Variants in POF1B observed in about 807,000 individuals in gnomAD.
The protein encoded by POF1B is POF1B actin binding protein, also known as protein POF1B.
POF1B carries 53 observed loss-of-function variants against 55.3 expected under a neutral mutation model. The observed-to-expected ratio is 0.96, with a 90% CI of 0.77 to 1.20. The LOEUF is 1.20. POF1B is among the 50% of genes most tolerant of loss of function. The probability of loss-of-function intolerance (pLI) is 0.00; values close to 1 mark genes in which losing one functional copy is unlikely to be tolerated. For missense variants in POF1B, 478 were observed against 420.5 expected (o/e 1.14, Z -1.20); for synonymous variants, 188 against 148.3 (o/e 1.27, Z -1.95).
chrX:85,319,447 G>A (rs372532049), intron 7 of POF1B, among the ~76,000 whole-genome samples: 30 of 110,895 alleles, frequency 2.7e-4, no homozygotes, highest in African/African-American at 7.8e-4. Flanking sequence ...ATCTTGTTCC[G>A]GTTTCAAGAA....
At chrX:85,307,532 T>A (rs1932604178) in intron 10 of POF1B, among the ~76,000 whole-genome samples, 2 of 111,474 alleles carry the variant, frequency 1.8e-5, no homozygotes, top group Admixed American at 1.9e-4. Flanking sequence ...TGTTTTAATG[T>A]TTTCCTCCAA....
chrX:85,293,416 G>T (rs894581736), intron 15 of POF1B, among the ~76,000 whole-genome samples: 3 of 111,631 alleles, frequency 2.7e-5, no homozygotes, highest in African/African-American at 9.8e-5. Context: ...ACTAACACAG[G>T]ACCAGAAAAT....
intron 11 of POF1B, among the ~76,000 whole-genome samples, chrX:85,306,641 A>G (rs771601610): frequency 1.8e-5 from 2 of 110,979 alleles, no homozygotes; most frequent in East Asian, 5.7e-4. Flanking sequence ...CACAGAAACG[A>G]CCATATGCCT....
At chrX:85,310,875 T>C (rs1223515187) in intron 9 of POF1B, among the ~76,000 whole-genome samples, 1 of 111,942 alleles carries the variant, frequency 8.9e-6, no homozygotes, top group Non-Finnish European at 1.9e-5. Context: ...GGAATAACAA[T>C]TCAAATGACA....
chrX:85,379,185 G>A lies in POF1B; in HGVS notation c.270C>T (p.Ser90=). ...TTCTTTGTTGTACCTGAGAATGGTC[G>A]CTCCAAACCAAATTTTGGTAGGAGG... ...TTSSYQNLVW[S]DHSQELHSPT... is the part of the protein sequence containing the mutation. Residue 90 remains serine, a synonymous_variant, in exon 2 of 17, where the codon AGC becomes AGT. Coordinates refer to ENST00000262753, the MANE Select transcript of POF1B (RefSeq NM_024921.4). The A allele has an allele frequency of 8.3e-7, 1 of 1,210,535 alleles. No homozygotes were observed. Among genetic ancestry groups the A allele is most frequent in the Non-Finnish European group, 1.1e-6 (1 of 894,710 alleles).
chrX:85,360,527 G>GTATATATA lies in POF1B; in HGVS notation c.358-905_358-898dup, dbSNP rs142665633. 4.9e-3 allele frequency among the ~76,000 whole-genome samples: 285 copies of GTATATATA among 58,445 alleles called. 5 individuals carry two copies. Among genetic ancestry groups the GTATATATA allele is most frequent in the African/African-American group, 0.018 (171 of 9,541 alleles). 50.8% of individuals were successfully genotyped at this position (58,445 alleles called of 115,157 possible). ...ATGGCTGCCTAGTATTCCATGGTAT[G>GTATATATA]TATATATATATATATATATATATAT... On this transcript the variant is annotated intron_variant, in intron 3 of 16. Coordinates refer to ENST00000262753, the MANE Select transcript of POF1B (RefSeq NM_024921.4).
At chrX:85,340,838 G>T (rs1312462272) in intron 6 of POF1B, among the ~76,000 whole-genome samples, 1 of 110,665 alleles carries the variant, frequency 9.0e-6, no homozygotes, top group Non-Finnish European at 1.9e-5. Context: ...ATAGGAACCA[G>T]AACATTTGTG....
intron 15 of POF1B, among the ~76,000 whole-genome samples, chrX:85,287,874 TA>T (rs749237682): frequency 9.9e-4 from 110 of 110,931 alleles, no homozygotes; most frequent in African/African-American, 3.5e-3. Context: ...TAGCAATATA[TA>T]AAAAGGATAC....
chrX:85,284,039 G>C (rs1931975594), intron 15 of POF1B, among the ~76,000 whole-genome samples: 1 of 111,004 alleles, frequency 9.0e-6, no homozygotes, highest in Non-Finnish European at 1.9e-5. Flanking sequence ...GCCAAATCAC[G>C]AGTGAACTCC....
At chrX:85,351,136 A>G (rs2147938277) in intron 5 of POF1B, among the ~76,000 whole-genome samples, 1 of 111,151 alleles carries the variant, frequency 9.0e-6, no homozygotes, top group Admixed American at 9.6e-5. Flanking sequence ...CCTGGTTTCA[A>G]TTTTCTTTCA....
intron 16 of POF1B, chrX:85,281,979 G>A: frequency 7.1e-6 from 2 of 281,594 alleles, no homozygotes; most frequent in Middle Eastern, 1.1e-3. Flanking sequence ...CCTTTTGAGG[G>A]GCAAAAATTA....
rs575821353 is a variant in POF1B at position 85,290,233 on chromosome X, G to A, written c.1650-7916C>T. Among the ~76,000 whole-genome samples, 93 of 111,047 alleles carry A rather than the reference G, an allele frequency of 8.4e-4. No homozygotes were observed. In the South Asian group the frequency reaches 0.032, roughly 39 times the overall value. ...ACTATCTGGTTTTCTGCTTCTGTTCGTTTTATATAGGATAATGGCCTCCAG... is the reference window on the plus strand; with the variant it reads ...ACTATCTGGTTTTCTGCTTCTGTTCATTTTATATAGGATAATGGCCTCCAG... On this transcript the variant is annotated intron_variant, in intron 15 of 16. Transcript: ENST00000262753.
At chrX:85,353,998 C>A (rs1400849608) in intron 4 of POF1B, among the ~76,000 whole-genome samples, 3 of 110,834 alleles carry the variant, frequency 2.7e-5, no homozygotes, top group Non-Finnish European at 5.7e-5. Context: ...CTACTAAAAT[C>A]AGTGGAAGAA....
chrX:85,349,322 C>G (rs1933332734), intron 5 of POF1B, among the ~76,000 whole-genome samples: 2 of 110,877 alleles, frequency 1.8e-5, no homozygotes, highest in African/African-American at 6.5e-5. Context: ...AAAGGAAAAG[C>G]TAGAATTTTT....
chrX:85,320,792 C>A (rs149967480), intron 7 of POF1B, among the ~76,000 whole-genome samples: 1 of 111,299 alleles, frequency 9.0e-6, no homozygotes, highest in African/African-American at 3.3e-5. Flanking sequence ...TACAAACTAC[C>A]ATCAGAGAAT....
chrX:85,322,192 T>G (rs939525289), intron 7 of POF1B, among the ~76,000 whole-genome samples: 9 of 111,103 alleles, frequency 8.1e-5, no homozygotes, highest in Non-Finnish European at 1.7e-4. Flanking sequence ...GACTTCAAAC[T>G]ATACTACAAG....
Position 85,360,426 on chromosome X carries a change from C to T in POF1B, c.358-796G>A, listed in dbSNP as rs542703316. Among the ~76,000 whole-genome samples, 3 of 103,438 alleles carry T rather than the reference C, an allele frequency of 2.9e-5. No individual in the cohort carries two copies. The South Asian group carries it at 1.3e-3, about 45-fold the overall frequency. 89.8% of individuals were successfully genotyped at this position (103,438 alleles called of 115,157 possible). On this transcript the variant is annotated intron_variant, in intron 3 of 16. Transcript: ENST00000262753. Reference sequence around the variant, plus strand: ...ACATGCGGTATTTGGTTTTCTGTTCCTGTGTAAGTCTGCTAAGTTTAATAG... The same window carrying T: ...ACATGCGGTATTTGGTTTTCTGTTCTTGTGTAAGTCTGCTAAGTTTAATAG...
At chrX:85,373,474 G>A (rs1933869478) in intron 2 of POF1B, among the ~76,000 whole-genome samples, 1 of 111,262 alleles carries the variant, frequency 9.0e-6, no homozygotes, top group Admixed American at 9.6e-5. Context: ...CATATACATG[G>A]AAGAGTTGTG....
At chrX:85,330,403 A>G (rs2037623834) in intron 7 of POF1B, among the ~76,000 whole-genome samples, 1 of 111,699 alleles carries the variant, frequency 9.0e-6, no homozygotes, top group South Asian at 3.7e-4. Flanking sequence ...TTGAAATCAC[A>G]TAAGTGGAAG....
Sources: allele counts gnomAD v4.1 joint callset (sites outside exome capture counted in the v4.1 genomes callset), GRCh38; gene constraint gnomAD v4.1.1; transcripts MANE v1.5; gene names NCBI Gene and HGNC (gene_info 2026-07-23, HGNC 2026-07-21).